Variants in LRRC56 observed in about 807,000 individuals in gnomAD.
LRRC56 encodes leucine-rich repeat-containing protein 56.
Under a neutral mutation model 47.8 loss-of-function variants are expected in LRRC56, and 41 were observed. The observed-to-expected ratio is 0.86, with a 90% CI of 0.67 to 1.11. The LOEUF (loss-of-function observed/expected upper bound fraction) is 1.11, where lower values mean the gene tolerates loss of function less well. Ranked by LOEUF, LRRC56 falls within the 50% of genes most tolerant of loss-of-function variation. The probability of loss-of-function intolerance (pLI) is 0.00; values close to 1 mark genes in which losing one functional copy is unlikely to be tolerated. For missense variants in LRRC56, 759 were observed against 704.2 expected (o/e 1.08, Z -0.88); for synonymous variants, 387 against 311.2 (o/e 1.24, Z -2.56).
chr11:532,853 G>T, upstream of LRRC56: 4 of 1,227,412 alleles, frequency 3.3e-6, no homozygotes, highest in South Asian at 1.2e-5. Flanking sequence ...CTGGCCCGAA[G>T]CTCCCGACTC....
chr11:534,221 G>C (rs149199691), upstream of LRRC56: 3 of 1,611,626 alleles, frequency 1.9e-6, no homozygotes, highest in Non-Finnish European at 2.5e-6. Context: ...CCTCTATAGT[G>C]GGGTCGTATT....
At chr11:531,206 T>C in the LRRC56 span, among the ~76,000 whole-genome samples, 1 of 150,934 alleles carries the variant, frequency 6.6e-6, no homozygotes, top group Non-Finnish European at 1.5e-5. Flanking sequence ...GAAGGGCGAG[T>C]GTGGTATTCC....
At chr11:542,601 A>C (rs1274656187) in intron 5 of LRRC56, among the ~76,000 whole-genome samples, 4 of 150,118 alleles carry the variant, frequency 2.7e-5, no homozygotes, top group African/African-American at 7.4e-5. Flanking sequence ...AAAAAAAAAA[A>C]AAACACTCCC....
chr11:538,441 G>T (rs1034073343), intron 1 of LRRC56, among the ~76,000 whole-genome samples, 157 bp from the exon 2 acceptor site: 2 of 152,112 alleles, frequency 1.3e-5, no homozygotes, highest in Non-Finnish European at 2.9e-5. Context: ...GGCAGGCAGT[G>T]GGGGAGATTT....
At position 541,325 on chromosome 11, in the gene LRRC56, C is replaced by G. The variant is rs1851780590; in HGVS notation, c.178-212C>G. 6.6e-6 allele frequency among the ~76,000 whole-genome samples: 1 copy of G among 152,194 alleles called. No individual in the cohort carries two copies. The highest frequency in any genetic ancestry group is 6.5e-5 in the Admixed American group (1 of 15,282). On this transcript the variant is annotated intron_variant, in intron 4 of 13. Transcript: ENST00000270115. This position sits in a 1 kb window ranked among gnomAD's most constrained non-coding sequence, Gnocchi z 4.1. ...GGCAGCCCCCAGGGCAGGTCCTTCT[C>G]CCGCAATGACCCCCCAGCCAAGTGC...
upstream of LRRC56, chr11:537,194 G>T (rs1349687956): frequency 6.6e-6 from 1 of 152,262 alleles, no homozygotes; most frequent in Non-Finnish European, 1.5e-5. Context: ...TACCCGCCCC[G>T]CGTGGGAAGC....
At chr11:536,269 C>T (rs1398095356), upstream of LRRC56, among the ~76,000 whole-genome samples, 11 of 152,252 alleles carry the variant, frequency 7.2e-5, no homozygotes, top group African/African-American at 2.4e-4. Flanking sequence ...CGACCCTGCC[C>T]GCCCAGTCCC....
the LRRC56 span, chr11:507,369 GCA>G: frequency 1.3e-5 from 2 of 152,116 alleles, no homozygotes; most frequent in South Asian, 2.0e-4. Context: ...GCTCGGCTAA[GCA>G]CAGTCTTGGC....
upstream of LRRC56, chr11:535,517 C>G (rs1223657302): frequency 6.8e-6 from 1 of 147,782 alleles, no homozygotes; most frequent in Non-Finnish European, 1.5e-5. Flanking sequence ...GCTCCGTCCG[C>G]GGCGGGTGCG....
At chr11:508,178 G>C in the LRRC56 span, among the ~76,000 whole-genome samples, 28 of 152,216 alleles carry the variant, frequency 1.8e-4, no homozygotes, top group Non-Finnish European at 3.8e-4. Context: ...TTAGGTATTT[G>C]TTTTCGAGAC....
At position 549,865 on chromosome 11, in the gene LRRC56, T is replaced by G. The variant is rs747905433; in HGVS notation, c.327-37T>G. On this transcript the variant is annotated intron_variant, in intron 6 of 13. Coordinates refer to ENST00000270115, the MANE Select transcript of LRRC56 (RefSeq NM_198075.4). ...GGCAGGTGGTGGCTGAGCACAGGGC[T>G]GGGCACATGTTGACCACCAAACCCT... 3 of 1,579,360 alleles carry G rather than the reference T, an allele frequency of 1.9e-6. No homozygotes were observed. In the South Asian group the frequency reaches 3.3e-5, roughly 17 times the overall value.
chr11:506,918 G>T, the LRRC56 span: 1 of 152,090 alleles, frequency 6.6e-6, no homozygotes, highest in Non-Finnish European at 1.5e-5. Context: ...CGGCGCAGCT[G>T]CCCAGCGCAA....
At chr11:552,831 C>A (rs1852485749) in intron 13 of LRRC56, 129 bp downstream of exon 13, 1 of 821,936 alleles carries the variant, frequency 1.2e-6, no homozygotes, top group South Asian at 1.9e-5. Context: ...CTGAGAGGGA[C>A]TGTAACAGGG....
At chr11:547,691 A>T (rs1159784754) in intron 6 of LRRC56, among the ~76,000 whole-genome samples, 1 of 152,152 alleles carries the variant, frequency 6.6e-6, no homozygotes, top group African/African-American at 2.4e-5. Context: ...TAGCTCTAAG[A>T]ACAACAAAAA....
rs1044038169 is a variant in LRRC56, at chr11:541,378, A to G, written c.178-159A>G. Reference sequence around the variant, plus strand: ...CACAAGCTCTGCTCCTGTCACATCCACTCCCATCCCACCACCCAGGCCAGG... The same window carrying G: ...CACAAGCTCTGCTCCTGTCACATCCGCTCCCATCCCACCACCCAGGCCAGG... On this transcript the variant is annotated intron_variant, in intron 4 of 13. Coordinates refer to ENST00000270115, the MANE Select transcript of LRRC56 (RefSeq NM_198075.4). The surrounding 1 kb of genome is among the most constrained non-coding windows in gnomAD (Gnocchi z 4.1). Among the ~76,000 whole-genome samples, 2 of 151,798 alleles carry G rather than the reference A, an allele frequency of 1.3e-5. No homozygotes were observed. The highest frequency in any genetic ancestry group is 4.8e-5 in the African/African-American group (2 of 41,286).
upstream of LRRC56, chr11:534,219 G>C (rs2133994186): frequency 6.2e-7 from 1 of 1,611,510 alleles, no homozygotes; most frequent in Non-Finnish European, 8.5e-7. Flanking sequence ...CACCTCTATA[G>C]TGGGGTCGTA....
At chr11:507,528 C>T in the LRRC56 span, among the ~76,000 whole-genome samples, 1 of 152,042 alleles carries the variant, frequency 6.6e-6, no homozygotes, top group Non-Finnish European at 1.5e-5. Flanking sequence ...CACTGGCACG[C>T]AAGTCTCAGC....
the LRRC56 span, among the ~76,000 whole-genome samples, chr11:521,659 A>G: frequency 6.6e-6 from 1 of 152,288 alleles, no homozygotes; most frequent in East Asian, 1.9e-4. Flanking sequence ...TCACGCCTGT[A>G]ATCCCAGCAC....
At chr11:523,140 C>T in the LRRC56 span, among the ~76,000 whole-genome samples, 1 of 152,078 alleles carries the variant, frequency 6.6e-6, no homozygotes, top group Non-Finnish European at 1.5e-5. Context: ...GCGATTCTCC[C>T]TCCCCAGCCT....
Sources: gnomAD v4.1 joint callset for allele counts (sites outside exome capture counted in the v4.1 genomes callset) on GRCh38, gnomAD v4.1.1 for gene constraint, Gnocchi (gnomAD v3.1) non-coding constraint, MANE v1.5 for transcripts, NCBI Gene and HGNC (gene_info 2026-07-23, HGNC 2026-07-21) for gene names.